AFAP1: variants seen among roughly 807,000 people sequenced by gnomAD.
AFAP1 encodes the protein actin filament-associated protein 1.
AFAP1 carries 75 observed loss-of-function variants against 93.9 expected under a neutral mutation model. That is an observed-to-expected ratio of 0.80 (90% CI 0.66 to 0.97). The LOEUF is 0.97. AFAP1 is among the 50% of genes least tolerant of loss of function. The pLI, the probability that AFAP1 is intolerant of heterozygous loss-of-function variation, is 0.00. For synonymous variants in AFAP1, 517 were observed against 430.7 expected, an observed-to-expected ratio of 1.20 and a Z score of -2.48; for missense variants, 1,201 against 1,050.8, an observed-to-expected ratio of 1.14 and a Z score of -1.98.
chr4:7,821,453 C>T (rs1720966395), intron 6 of AFAP1, among the ~76,000 whole-genome samples: 1 of 152,178 alleles, frequency 6.6e-6, no homozygotes, highest in African/African-American at 2.4e-5. Flanking sequence ...CGAGGGCTTT[C>T]CCAGCCGCCC....
intron 1 of AFAP1, among the ~76,000 whole-genome samples, chr4:7,897,380 C>T (rs999421752): frequency 6.6e-6 from 1 of 152,176 alleles, no homozygotes; most frequent in Non-Finnish European, 1.5e-5. Flanking sequence ...ACTACAGCTA[C>T]AGCCTCTTGC....
intron 9 of AFAP1, among the ~76,000 whole-genome samples, chr4:7,807,075 C>T (rs949523904): frequency 6.6e-6 from 1 of 152,192 alleles, no homozygotes; most frequent in South Asian, 2.1e-4. Context: ...CATACAAGCT[C>T]TCTGAGCTTC....
At chr4:7,812,660 G>T (rs67369171) in intron 8 of AFAP1, among the ~76,000 whole-genome samples, 1 of 152,114 alleles carries the variant, frequency 6.6e-6, no homozygotes, top group Non-Finnish European at 1.5e-5. Context: ...GCACACGCTG[G>T]CCCATGAGGT....
intron 12 of AFAP1, among the ~76,000 whole-genome samples, chr4:7,782,369 A>C (rs28729246): frequency 0.23 from 34,877 of 152,208 alleles, 5,921 homozygotes; most frequent in African/African-American, 0.48. Context: ...TGTCAACACA[A>C]ACCCCCTCTG....
intron 13 of AFAP1, among the ~76,000 whole-genome samples, chr4:7,779,854 CA>C (rs1272090600): frequency 1.3e-5 from 2 of 152,212 alleles, no homozygotes; most frequent in Non-Finnish European, 2.9e-5. Flanking sequence ...CCATTAAAAA[CA>C]GGTTCCCATT....
chr4:7,789,666 T>C (rs1189333765), intron 11 of AFAP1, among the ~76,000 whole-genome samples: 3 of 148,934 alleles, frequency 2.0e-5, no homozygotes, highest in Non-Finnish European at 4.4e-5. Context: ...CAGCCCGCTT[T>C]CCATCCTCTT....
intron 6 of AFAP1, among the ~76,000 whole-genome samples, chr4:7,831,159 C>T (rs1007707046): frequency 2.0e-5 from 3 of 152,110 alleles, no homozygotes; most frequent in Non-Finnish European, 4.4e-5. Flanking sequence ...GAAGAAACTA[C>T]ACTAGCCCAT....
rs948376942 is a variant in AFAP1 at position 7,763,363 on chromosome 4, G to A, written c.*402C>T. The A allele has an allele frequency of 1.5e-5, 3 of 205,340 alleles. No individual in the cohort carries two copies. The highest frequency in any genetic ancestry group is 2.9e-5 in the Non-Finnish European group (3 of 102,224). The allele number at this position is 205,340 out of a possible 1,614,324, so 12.7% of individuals were successfully genotyped here. ...CACACTCATGCCCGGGGCAGCCGGG[G>A]ATCCAAGCTCTTCCCTGTCGAATCC... On this transcript the variant is annotated 3_prime_UTR_variant, in exon 18 of 18. Coordinates refer to ENST00000420658, the MANE Select transcript of AFAP1 (RefSeq NM_001134647.2).
rs527820283 is a variant in AFAP1, at chr4:7,886,441, A to G, written c.-2-14361T>C. ...TTTCAACTCTGAAAGTGGGATCTTT[A>G]AAAGATTTCTCAATATCCCAAAGGA... On this transcript the variant is annotated intron_variant, in intron 1 of 17. Coordinates refer to ENST00000420658, the MANE Select transcript of AFAP1 (RefSeq NM_001134647.2). Among the ~76,000 whole-genome samples, 14 of 152,346 alleles carry G rather than the reference A, an allele frequency of 9.2e-5. No individual in the cohort carries two copies. The South Asian group carries it at 2.7e-3, about 29-fold the overall frequency.
intron 6 of AFAP1, among the ~76,000 whole-genome samples, chr4:7,823,304 A>G (rs747553708): frequency 1.3e-5 from 2 of 152,204 alleles, no homozygotes; most frequent in Admixed American, 6.5e-5. Flanking sequence ...TAAGATTTCT[A>G]TGAAGAAAAA....
chr4:7,920,315 A>G (rs932103315), intron 1 of AFAP1, among the ~76,000 whole-genome samples: 4 of 152,218 alleles, frequency 2.6e-5, no homozygotes, highest in Non-Finnish European at 5.9e-5. Flanking sequence ...GATCATAAAT[A>G]TATTTATATA....
chr4:7,865,167 A>G (rs976634024), intron 3 of AFAP1, among the ~76,000 whole-genome samples: 2 of 152,244 alleles, frequency 1.3e-5, no homozygotes, highest in African/African-American at 4.8e-5. Flanking sequence ...CCCCATAGGT[A>G]GCAACACACC....
intron 3 of AFAP1, among the ~76,000 whole-genome samples, chr4:7,860,078 G>A (rs927447249): frequency 6.6e-6 from 1 of 152,164 alleles, no homozygotes; most frequent in Non-Finnish European, 1.5e-5. Context: ...GGGAAGTCGA[G>A]GCTGCAGTGA....
chr4:7,885,994 G>A (rs186561746), intron 1 of AFAP1, among the ~76,000 whole-genome samples: 9 of 152,280 alleles, frequency 5.9e-5, no homozygotes, highest in Non-Finnish European at 1.3e-4. Context: ...TCTCCATGCA[G>A]ACTCTTCCAA....
intron 1 of AFAP1, among the ~76,000 whole-genome samples, chr4:7,912,631 G>A (rs1719799079): frequency 6.6e-6 from 1 of 152,124 alleles, no homozygotes; most frequent in Non-Finnish European, 1.5e-5. Flanking sequence ...AGATGGTTTG[G>A]TTTTACTGCT....
chr4:7,866,525 G>A (rs539063643), intron 3 of AFAP1, among the ~76,000 whole-genome samples: 89 of 152,258 alleles, frequency 5.8e-4, no homozygotes, highest in Middle Eastern at 3.4e-3. Context: ...CTCAGTTCCC[G>A]CTCCATCTCA....
intron 6 of AFAP1, among the ~76,000 whole-genome samples, chr4:7,829,011 G>C (rs1721666041): frequency 6.6e-6 from 1 of 152,178 alleles, no homozygotes; most frequent in Non-Finnish European, 1.5e-5. Context: ...TAGTTACTGA[G>C]CTCTCAGGAG....
chr4:7,828,464 C>T (rs1019803387), intron 6 of AFAP1, among the ~76,000 whole-genome samples: 2 of 152,192 alleles, frequency 1.3e-5, no homozygotes, highest in Non-Finnish European at 2.9e-5. Flanking sequence ...CAGCCTCCCC[C>T]ACAGTTTGGC....
chr4:7,816,126 T>C (rs765174764), intron 7 of AFAP1, 27 bp from the exon 8 acceptor site: 3 of 1,584,558 alleles, frequency 1.9e-6, no homozygotes, highest in Non-Finnish European at 1.7e-6. Flanking sequence ...ATTAAGTTAT[T>C]CTTACAGTGG....
Sources: allele counts gnomAD v4.1 joint callset (sites outside exome capture counted in the v4.1 genomes callset), GRCh38; gene constraint gnomAD v4.1.1; transcripts MANE v1.5; gene names NCBI Gene and HGNC (gene_info 2026-07-23, HGNC 2026-07-21).